ANKS1B: variants seen among roughly 807,000 people sequenced by gnomAD.
The protein encoded by ANKS1B is ankyrin repeat and sterile alpha motif domain containing 1B, also known as ankyrin repeat and sterile alpha motif domain-containing protein 1B.
Under a neutral mutation model 148.3 loss-of-function variants are expected in ANKS1B, and 36 were observed. The observed-to-expected ratio is 0.24, with a 90% CI of 0.19 to 0.32. ANKS1B has a LOEUF of 0.32. ANKS1B is among the 10% of genes least tolerant of loss of function. The pLI is 1.00. For missense variants in ANKS1B, 1,157 were observed against 1,542.6 expected, an observed-to-expected ratio of 0.75 and a Z score of 4.19; for synonymous variants, 542 against 560.8, an observed-to-expected ratio of 0.97 and a Z score of 0.47.
In ANKS1B at chr12:99,974,463, A is replaced by G. The variant is rs148018904; in HGVS notation, c.134+9641T>C. Among the ~76,000 whole-genome samples, 624 of 152,336 alleles carry G rather than the reference A, an allele frequency of 4.1e-3. 4 individuals are homozygous for G. Among genetic ancestry groups the G allele is most frequent in the African/African-American group, 0.014 (603 of 41,588 alleles). The stretch of plus-strand genomic sequence containing the variant: ...ATCTAAAATGGGTTTATATAATCCA[A>G]TAAAAAATTCTAGAGACTAAATGAG... On this transcript the variant is annotated intron_variant, in intron 1 of 26. Transcript: ENST00000683438.
In ANKS1B at chr12:99,246,488, C is replaced by A; in HGVS notation, c.2133G>T (p.Glu711Asp). ...QWVMNAGGFV[E>D]RACTLGRIRS... ...TTATTCTCCCCAGAGTACAGGCTCTCTCCACAAATCCCCCTGCGTTCATAA... is the reference window on the plus strand; with the variant it reads ...TTATTCTCCCCAGAGTACAGGCTCTATCCACAAATCCCCCTGCGTTCATAA... Residue 711 changes from glutamate to aspartate, a missense_variant, in exon 13 of 27, where the codon GAG (glutamate) becomes GAT (aspartate). By Grantham distance (45) the Glu-to-Asp change is conservative. This residue lies in a region of ANKS1B where 661 missense variants were observed against 642.1 expected (regional missense o/e 1.03). Transcript: ENST00000683438. The A allele has an allele frequency of 2.5e-6, 4 of 1,613,868 alleles. No individual in the cohort carries two copies. The highest frequency in any genetic ancestry group is 1.7e-5 in the Admixed American group (1 of 59,986).
intron 14 of ANKS1B, among the ~76,000 whole-genome samples, chr12:99,194,186 T>G (rs2081112174): frequency 6.6e-6 from 1 of 152,112 alleles, no homozygotes; most frequent in Non-Finnish European, 1.5e-5. Flanking sequence ...ATTTTTTTAT[T>G]TACACCCATT....
chr12:99,598,642 CAGAG>C (rs1439937593), intron 9 of ANKS1B, among the ~76,000 whole-genome samples: 7 of 151,970 alleles, frequency 4.6e-5, no homozygotes, highest in Non-Finnish European at 8.8e-5. Flanking sequence ...GCCGACTTGC[CAGAG>C]AGAGTCAGAA....
intron 9 of ANKS1B, among the ~76,000 whole-genome samples, chr12:99,514,971 GT>G (rs2096801617): frequency 2.0e-5 from 3 of 150,862 alleles, no homozygotes; most frequent in Admixed American, 2.0e-4. Context: ...TAGATTAGTA[GT>G]TTTTGCTTTT....
intron 17 of ANKS1B, among the ~76,000 whole-genome samples, chr12:98,860,891 A>G (rs2099596015): frequency 6.6e-6 from 1 of 152,250 alleles, no homozygotes; most frequent in African/African-American, 2.4e-5. Context: ...ATTAAAAAAA[A>G]GAAAAAGACT....
At chr12:99,292,251 G>C (rs1339809626) in intron 12 of ANKS1B, among the ~76,000 whole-genome samples, 1 of 151,918 alleles carries the variant, frequency 6.6e-6, no homozygotes, top group Non-Finnish European at 1.5e-5. Context: ...CCAGCACTTT[G>C]GGAGGGCAAG....
chr12:99,723,922 T>C (rs560460215), intron 8 of ANKS1B, among the ~76,000 whole-genome samples: 4 of 151,540 alleles, frequency 2.6e-5, no homozygotes, highest in South Asian at 4.2e-4. Context: ...GGCCTGACCA[T>C]TGAAAGAAAA....
intron 8 of ANKS1B, among the ~76,000 whole-genome samples, chr12:99,756,323 C>T (rs577840732): frequency 1.3e-5 from 2 of 152,100 alleles, no homozygotes; most frequent in South Asian, 2.1e-4. Flanking sequence ...CAGGAACATA[C>T]TCCCATTCAC....
At chr12:99,707,882 C>T (rs2056063125) in intron 8 of ANKS1B, among the ~76,000 whole-genome samples, 1 of 152,064 alleles carries the variant, frequency 6.6e-6, no homozygotes, top group Non-Finnish European at 1.5e-5. Context: ...CACACTGACT[C>T]AGAAATCAGG....
At chr12:99,101,131 C>G (rs572500824) in intron 15 of ANKS1B, among the ~76,000 whole-genome samples, 1 of 152,220 alleles carries the variant, frequency 6.6e-6, no homozygotes, top group South Asian at 2.1e-4. Context: ...GAGGGAGAGA[C>G]CAGGTAGCCA....
At chr12:99,847,558 C>T (rs1371367706) in intron 1 of ANKS1B, among the ~76,000 whole-genome samples, 1 of 152,200 alleles carries the variant, frequency 6.6e-6, no homozygotes, top group Non-Finnish European at 1.5e-5. Context: ...ACAGGCCTTG[C>T]TGGGTTTCCC....
At chr12:99,780,632 C>A (rs1567835642) in intron 5 of ANKS1B, among the ~76,000 whole-genome samples, 1 of 152,118 alleles carries the variant, frequency 6.6e-6, no homozygotes, top group Non-Finnish European at 1.5e-5. Flanking sequence ...AGCACACTAT[C>A]ACACTGAAAA....
chr12:99,299,417 G>A (rs1029999870), intron 12 of ANKS1B, among the ~76,000 whole-genome samples: 3 of 152,128 alleles, frequency 2.0e-5, no homozygotes, highest in African/African-American at 4.8e-5. Flanking sequence ...ACATTAAGAT[G>A]TCAATATCAT....
intron 17 of ANKS1B, among the ~76,000 whole-genome samples, chr12:98,971,586 C>T (rs894400248): frequency 7.2e-5 from 11 of 152,150 alleles, no homozygotes; most frequent in Non-Finnish European, 1.5e-4. Flanking sequence ...GATCTTATGA[C>T]ATGGTACGGA....
intron 12 of ANKS1B, among the ~76,000 whole-genome samples, chr12:99,266,522 C>G (rs903483283): frequency 6.6e-6 from 1 of 152,188 alleles, no homozygotes; most frequent in African/African-American, 2.4e-5. Flanking sequence ...CCTGGTTTGT[C>G]TGACTCTAGA....
At chr12:99,955,012 G>A (rs764865657) in intron 1 of ANKS1B, among the ~76,000 whole-genome samples, 2 of 152,122 alleles carry the variant, frequency 1.3e-5, no homozygotes, top group Non-Finnish European at 2.9e-5. Context: ...GACTTTGATT[G>A]CCTTTTTCCC....
Position 98,751,664 on chromosome 12 carries a change from A to G in ANKS1B, c.3580-142T>C. On this transcript the variant is annotated intron_variant, in intron 25 of 26. Transcript: ENST00000683438. This position sits in a 1 kb window ranked among gnomAD's most constrained non-coding sequence, Gnocchi z 4.3. ...GGCAGCAGCGATTCGGTGGAAATCT[A>G]CAAAGAACAGGACACTCCGGGTCCA... 1.2e-6 allele frequency: 1 copy of G among 809,462 alleles called. No homozygotes were observed. Among genetic ancestry groups the G allele is most frequent in the South Asian group, 1.7e-5 (1 of 60,000 alleles). 50.1% of individuals were successfully genotyped at this position (809,462 alleles called of 1,614,324 possible).
intron 17 of ANKS1B, among the ~76,000 whole-genome samples, chr12:98,859,317 A>G (rs191320165): frequency 1.9e-3 from 293 of 152,354 alleles, no homozygotes; most frequent in Non-Finnish European, 3.4e-3. Flanking sequence ...TTCTGGCAAG[A>G]GCAGCAAATC....
intron 1 of ANKS1B, among the ~76,000 whole-genome samples, chr12:99,863,836 C>T (rs1205672083): frequency 6.6e-6 from 1 of 152,086 alleles, no homozygotes; most frequent in Non-Finnish European, 1.5e-5. Flanking sequence ...CTTTGGGATG[C>T]CGAGGCTGGA....
Sources: allele counts gnomAD v4.1 joint callset (sites outside exome capture counted in the v4.1 genomes callset), GRCh38; gene constraint gnomAD v4.1.1; regional missense constraint gnomAD v4.1.1; non-coding constraint Gnocchi (gnomAD v3.1); transcripts MANE v1.5; gene names NCBI Gene and HGNC (gene_info 2026-07-23, HGNC 2026-07-21).